Variants in CA2 observed in about 807,000 individuals in gnomAD.
CA2 encodes carbonic anhydrase 2, also known as carbonate dehydratase II.
A neutral mutation model predicts 27.8 loss-of-function variants in CA2; 23 were observed. That is an observed-to-expected ratio of 0.83 (90% confidence interval 0.59 to 1.17). The LOEUF is 1.17. Among genes scored for constraint, CA2 ranks in the 50% most tolerant of loss-of-function variants. The pLI is 0.00. For synonymous variants in CA2, 99 were observed against 114.9 expected, an observed-to-expected ratio of 0.86 and a Z score of 0.88; for missense variants, 300 against 314.7, an observed-to-expected ratio of 0.95 and a Z score of 0.35.
rs914068646 is a variant in CA2, at chr8:85,475,958, CAT to C, written c.507+99_507+100del. Reference sequence around the variant, plus strand: ...TGATCAAATTGCACAGTCTCAATGACATGTGGTGTTTGGATGAGCAGTTAGTA... The same window carrying C: ...TGATCAAATTGCACAGTCTCAATGACGTGGTGTTTGGATGAGCAGTTAGTA... On this transcript the variant is annotated intron_variant, in intron 5 of 6. Transcript: ENST00000285379. The C allele has an allele frequency of 2.5e-5, 23 of 920,148 alleles. 1 individual carries two copies. In the South Asian group the frequency reaches 2.9e-4, roughly 11 times the overall value. 57.0% of individuals were successfully genotyped at this position (920,148 alleles called of 1,614,324 possible).
At chr8:85,473,331 G>A in intron 2 of CA2, 2 of 439,236 alleles carry the variant, frequency 4.6e-6, no homozygotes, top group South Asian at 3.2e-5. Flanking sequence ...CAGATTATTA[G>A]TTTCACTTAG....
At chr8:85,480,461 A>G (rs1166290990) in intron 6 of CA2, among the ~76,000 whole-genome samples, 3 of 146,772 alleles carry the variant, frequency 2.0e-5, no homozygotes, top group African/African-American at 5.1e-5. Context: ...TTTTTTGTAG[A>G]GACAGGGTTT....
chr8:85,481,050 A>G lies in CA2; in HGVS notation c.*261A>G, dbSNP rs546440399. 3 of 437,788 alleles carry G rather than the reference A, an allele frequency of 6.9e-6. No individual in the cohort carries two copies. The highest frequency in any genetic ancestry group is 6.5e-5 in the South Asian group (3 of 45,862). 27.1% of individuals were successfully genotyped at this position (437,788 alleles called of 1,614,324 possible). On this transcript the variant is annotated 3_prime_UTR_variant, in exon 7 of 7. Transcript: ENST00000285379. ...AGAATATAGGATAAGAAATAAGAAT[A>G]AAGTACCTTGACTTTGTTCACAGCA... is the stretch of plus-strand genomic sequence containing the variant.
At chr8:85,465,168 A>G (rs1440511404) in intron 1 of CA2, 104 bp from the exon 2 acceptor site, 1 of 905,046 alleles carries the variant, frequency 1.1e-6, no homozygotes, top group Admixed American at 2.0e-5. Context: ...TGATGCTTCT[A>G]AAATTGGAAC....
At chr8:85,468,704 G>A (rs1811666607) in intron 2 of CA2, among the ~76,000 whole-genome samples, 2 of 152,182 alleles carry the variant, frequency 1.3e-5, no homozygotes, top group South Asian at 4.1e-4. Flanking sequence ...AGGTCGCAGT[G>A]AGCCGAGACC....
intron 1 of CA2, 27 bp downstream of exon 1, chr8:85,464,142 G>C: frequency 6.5e-7 from 1 of 1,531,112 alleles, no homozygotes; most frequent in Non-Finnish European, 8.8e-7. Flanking sequence ...GCCAGCGCGG[G>C]GGCGCCCCGA....
chr8:85,476,436 T>C (rs1024076164), intron 5 of CA2, among the ~76,000 whole-genome samples: 1 of 152,194 alleles, frequency 6.6e-6, no homozygotes, highest in African/African-American at 2.4e-5. Flanking sequence ...ATAAAGCTGA[T>C]CTTCACATTG....
chr8:85,475,030 A>T (rs1811770293), intron 4 of CA2, among the ~76,000 whole-genome samples: 1 of 152,084 alleles, frequency 6.6e-6, no homozygotes, highest in Middle Eastern at 3.2e-3. Flanking sequence ...AAAAGGGGCC[A>T]GGTGTGGTGG....
intron 2 of CA2, among the ~76,000 whole-genome samples, chr8:85,469,887 A>T (rs1811689946): frequency 6.6e-6 from 1 of 152,202 alleles, no homozygotes. Context: ...TGTATGACGT[A>T]ATGGATCTTC....
At chr8:85,480,612 T>C (rs2130570088) in intron 6 of CA2, 58 bp from the exon 7 acceptor site, 1 of 1,536,982 alleles carries the variant, frequency 6.5e-7, no homozygotes, top group Non-Finnish European at 9.0e-7. Context: ...ATAACACAAG[T>C]ATATAACTGA....
chr8:85,479,019 G>A (rs1221674235), intron 6 of CA2, among the ~76,000 whole-genome samples: 2 of 152,126 alleles, frequency 1.3e-5, no homozygotes, highest in African/African-American at 2.4e-5. Flanking sequence ...TCCCTAGCCC[G>A]GGAATGTGAT....
chr8:85,474,378 C>T lies in CA2; in HGVS notation c.406C>T (p.Gln136Ter). The change falls in exon 4 of 7, where the codon CAA becomes TAA. Residue 136 changes from glutamine to a stop codon, truncating the protein, a stop_gained. Coordinates refer to ENST00000285379, the MANE Select transcript of CA2 (RefSeq NM_000067.3). LOFTEE classifies it high-confidence loss of function. The stretch of plus-strand genomic sequence containing the variant: ...TGGGGATTTTGGGAAAGCTGTGCAG[C>T]AACCTGATGGACTGGCCGTTCTAGG... ...KYGDFGKAVQ[Q>*]PDGLAVLGIF... 6.2e-7 allele frequency: 1 copy of T among 1,614,084 alleles called. No homozygotes were observed. Among genetic ancestry groups the T allele is most frequent in the South Asian group, 1.1e-5 (1 of 91,086 alleles).
chr8:85,464,008 C>G lies in CA2; in HGVS notation c.-74C>G. On this transcript the variant is annotated 5_prime_UTR_variant, in exon 1 of 7. Transcript: ENST00000285379. ...CTGGTGCCGGCGCGACCCGCGGACA[C>G]ACAGTGCAGGCGCCCAAGCCGCCGC... 1 of 1,465,990 alleles carries G rather than the reference C, an allele frequency of 6.8e-7. No homozygotes were observed. 90.8% of individuals were successfully genotyped at this position (1,465,990 alleles called of 1,614,324 possible). A position where few individuals can be genotyped will look rare whatever the true frequency, so the allele number is the denominator to read the frequency against.
At chr8:85,468,532 G>A (rs1018191708) in intron 2 of CA2, among the ~76,000 whole-genome samples, 1 of 152,194 alleles carries the variant, frequency 6.6e-6, no homozygotes, top group African/African-American at 2.4e-5. Flanking sequence ...ACTGAGGTGG[G>A]CGGATCACTT....
intron 1 of CA2, 85 bp downstream of exon 1, chr8:85,464,200 G>T (rs1811581611): frequency 8.1e-7 from 1 of 1,239,876 alleles, no homozygotes; most frequent in South Asian, 1.4e-5. Context: ...CCGGCCCGGG[G>T]CCCGCAGCGC....
At chr8:85,467,860 G>A (rs995145147) in intron 2 of CA2, among the ~76,000 whole-genome samples, 5 of 152,066 alleles carry the variant, frequency 3.3e-5, no homozygotes, top group African/African-American at 1.2e-4. Context: ...AAAACCACAG[G>A]GTTTCGGTAG....
chr8:85,473,214 A>C (rs1009073728), intron 2 of CA2, among the ~76,000 whole-genome samples: 3 of 152,114 alleles, frequency 2.0e-5, no homozygotes, highest in African/African-American at 4.8e-5. Flanking sequence ...AGCAGGCTGT[A>C]TGGCAGCAAT....
intron 6 of CA2, among the ~76,000 whole-genome samples, chr8:85,478,740 G>C (rs1811843473): frequency 6.6e-6 from 1 of 152,154 alleles, no homozygotes; most frequent in Admixed American, 6.5e-5. Flanking sequence ...CTATAACATG[G>C]AATCTGGAGG....
At chr8:85,472,188 C>T (rs190602647) in intron 2 of CA2, among the ~76,000 whole-genome samples, 2 of 152,266 alleles carry the variant, frequency 1.3e-5, no homozygotes, top group East Asian at 3.9e-4. Flanking sequence ...GAAGTTATCC[C>T]TTTGTTCTGC....
Sources: gnomAD v4.1 joint callset for allele counts (sites outside exome capture counted in the v4.1 genomes callset) on GRCh38, gnomAD v4.1.1 for gene constraint, MANE v1.5 for transcripts, NCBI Gene and HGNC (gene_info 2026-07-23, HGNC 2026-07-21) for gene names.